Variants in DDI2 observed in about 807,000 individuals in gnomAD.
The protein encoded by DDI2 is protein DDI1 homolog 2.
DDI2 carries 5 observed loss-of-function variants against 48.1 expected under a neutral mutation model. That is an observed-to-expected ratio of 0.10 (90% CI 0.05 to 0.22). The LOEUF (loss-of-function observed/expected upper bound fraction) is 0.22, where lower values mean the gene tolerates loss of function less well. Ranked by LOEUF, DDI2 falls within the 10% of genes least tolerant of loss-of-function variation. DDI2 has a pLI of 1.00. For synonymous variants in DDI2, 205 were observed against 183.6 expected (o/e 1.12, Z -0.94); for missense variants, 285 against 506.2 (o/e 0.56, Z 4.19).
chr1:15,639,759 C>T (rs543129158), intron 5 of DDI2, among the ~76,000 whole-genome samples: 2 of 152,184 alleles, frequency 1.3e-5, no homozygotes, highest in Non-Finnish European at 2.9e-5. Flanking sequence ...GTAATTCCAG[C>T]ATTTTGGGAG....
In DDI2 at chr1:15,645,633, C is replaced by T. The variant is rs115813570; in HGVS notation, c.889+1983C>T. On this transcript the variant is annotated intron_variant, in intron 6 of 9. Transcript: ENST00000480945. ...CCTATAATCCCAGTGCTTTAGGAGG[C>T]TCATGTGGGATGATGGCTTGAGGCC... is the stretch of plus-strand genomic sequence containing the variant. Among the ~76,000 whole-genome samples the T allele has an allele frequency of 4.3e-3, 657 of 152,114 alleles. 7 individuals carry two copies. Among genetic ancestry groups the T allele is most frequent in the African/African-American group, 0.014 (582 of 41,490 alleles).
chr1:15,632,750 A>G (rs1386004702), intron 3 of DDI2, among the ~76,000 whole-genome samples: 2 of 151,960 alleles, frequency 1.3e-5, no homozygotes, highest in Non-Finnish European at 2.9e-5. Flanking sequence ...ATAATGCTGT[A>G]TTTTGTTTCT....
chr1:15,644,744 C>T (rs1397965828), intron 6 of DDI2, among the ~76,000 whole-genome samples: 4 of 151,156 alleles, frequency 2.6e-5, no homozygotes, highest in Admixed American at 6.6e-5. Context: ...CAGGCGCCCG[C>T]CACCGCACCC....
At chr1:15,654,334 C>T (rs1296709045) in intron 8 of DDI2, among the ~76,000 whole-genome samples, 1 of 152,046 alleles carries the variant, frequency 6.6e-6, no homozygotes, top group Non-Finnish European at 1.5e-5. Context: ...AACTCCATCA[C>T]CTTTTGGCTT....
chr1:15,641,149 T>C (rs2103471703), intron 5 of DDI2, among the ~76,000 whole-genome samples: 1 of 152,272 alleles, frequency 6.6e-6, no homozygotes, highest in African/African-American at 2.4e-5. Flanking sequence ...TGAGGACTTT[T>C]AAGCAGATGA....
rs375740235 is a variant in DDI2, at chr1:15,643,670, G to T, written c.889+20G>T. Reference sequence around the variant, plus strand: ...ATCTAGGTGAGCAAAAGGCACTGGGGCTTGCTGTCTTTCTGTAGGCTATTT... The same window carrying T: ...ATCTAGGTGAGCAAAAGGCACTGGGTCTTGCTGTCTTTCTGTAGGCTATTT... On this transcript the variant is annotated intron_variant, in intron 6 of 9. Transcript: ENST00000480945. The T allele has an allele frequency of 6.2e-7, 1 of 1,612,338 alleles. No individual in the cohort carries two copies. Among genetic ancestry groups the T allele is most frequent in the African/African-American group, 1.3e-5 (1 of 74,858 alleles).
intron 6 of DDI2, among the ~76,000 whole-genome samples, chr1:15,648,612 T>C (rs974284668): frequency 2.0e-5 from 3 of 152,138 alleles, no homozygotes; most frequent in African/African-American, 7.2e-5. Flanking sequence ...CCCATGATTC[T>C]ATGAACATTG....
At chr1:15,620,186 A>G (rs1639636239) in intron 1 of DDI2, among the ~76,000 whole-genome samples, 1 of 152,148 alleles carries the variant, frequency 6.6e-6, no homozygotes, top group Non-Finnish European at 1.5e-5. Flanking sequence ...TTAAGCCTGT[A>G]TTAGATAGCC....
At chr1:15,658,658 G>A (rs1640309425) in intron 9 of DDI2, among the ~76,000 whole-genome samples, 1 of 151,856 alleles carries the variant, frequency 6.6e-6, no homozygotes. Context: ...CTACTCTGAG[G>A]CAGGAGAATC....
chr1:15,633,330 T>C lies in DDI2; in HGVS notation c.506-109T>C, dbSNP rs1035628349. On this transcript the variant is annotated intron_variant, in intron 3 of 9. Coordinates refer to ENST00000480945, the MANE Select transcript of DDI2 (RefSeq NM_032341.5). ...CATTTTAAATAAGCTTTAGGCATCCTCTCTGCATCTCTTACAGATGTAGTT... is the reference window on the plus strand; with the variant it reads ...CATTTTAAATAAGCTTTAGGCATCCCCTCTGCATCTCTTACAGATGTAGTT... 13 of 1,294,654 alleles carry C rather than the reference T, an allele frequency of 1.0e-5. No homozygotes were observed. In the African/African-American group the frequency reaches 1.6e-4, roughly 16 times the overall value. 80.2% of individuals were successfully genotyped at this position (1,294,654 alleles called of 1,614,324 possible). A position where few individuals can be genotyped will look rare whatever the true frequency, so the allele number is the denominator to read the frequency against.
At chr1:15,638,477 C>G (rs1639958240) in intron 5 of DDI2, 43 bp downstream of exon 5, 3 of 1,583,742 alleles carry the variant, frequency 1.9e-6, no homozygotes, top group Non-Finnish European at 2.6e-6. Flanking sequence ...CCTCCAACAT[C>G]TTTACCTGAC....
intron 1 of DDI2, among the ~76,000 whole-genome samples, chr1:15,621,348 A>G (rs1042429748): frequency 6.6e-6 from 1 of 152,132 alleles, no homozygotes; most frequent in African/African-American, 2.4e-5. Flanking sequence ...GATCTTGGAA[A>G]TGCACACAGC....
chr1:15,668,367 T>A lies in DDI2; in HGVS notation c.*8577T>A, dbSNP rs1274694694. 2.0e-5 allele frequency: 3 copies of A among 152,256 alleles called. No individual in the cohort carries two copies. In the East Asian group the frequency reaches 5.8e-4, roughly 29 times the overall value. The allele number at this position is 152,256 out of a possible 1,614,324, so 9.4% of individuals were successfully genotyped here. On this transcript the variant is annotated 3_prime_UTR_variant, in exon 10 of 10. Coordinates refer to ENST00000480945, the MANE Select transcript of DDI2 (RefSeq NM_032341.5). ...TCCAAGACCTTCCCATTTGAATGAC[T>A]AGATTTCTATTCTATCCCCGATCAT...
At chr1:15,619,474 T>TC (rs1639621179) in intron 1 of DDI2, among the ~76,000 whole-genome samples, 1 of 146,048 alleles carries the variant, frequency 6.8e-6, no homozygotes, top group East Asian at 2.0e-4. Context: ...TCTTTTCTTT[T>TC]TTTTTTTTCG....
intron 8 of DDI2, among the ~76,000 whole-genome samples, chr1:15,655,690 T>C (rs1640260407): frequency 6.6e-6 from 1 of 150,588 alleles, no homozygotes; most frequent in Non-Finnish European, 1.5e-5. Flanking sequence ...GAAGCAGAGG[T>C]TGCAGTGAGC....
chr1:15,627,256 T>G (rs1160375439), intron 2 of DDI2, among the ~76,000 whole-genome samples: 2 of 152,158 alleles, frequency 1.3e-5, no homozygotes, highest in African/African-American at 4.8e-5. Flanking sequence ...AACTTGGTTG[T>G]GGGGGGATTT....
chr1:15,635,649 CCCT>C (rs1639917029), intron 4 of DDI2, among the ~76,000 whole-genome samples: 2 of 152,192 alleles, frequency 1.3e-5, no homozygotes, highest in Admixed American at 1.3e-4. Flanking sequence ...AGGTGATCCA[CCCT>C]CCTCATCCTC....
At chr1:15,627,439 AC>A (rs1407022968) in intron 2 of DDI2, among the ~76,000 whole-genome samples, 3 of 152,184 alleles carry the variant, frequency 2.0e-5, no homozygotes, top group Non-Finnish European at 2.9e-5. Flanking sequence ...GTTCTTTCCT[AC>A]CAGCTGTGTT....
At chr1:15,653,279 T>C (rs184670378) in intron 8 of DDI2, among the ~76,000 whole-genome samples, 1 of 151,674 alleles carries the variant, frequency 6.6e-6, no homozygotes, top group East Asian at 1.9e-4. Context: ...TTTATTTTAT[T>C]TTATTTTATT....
Sources: gnomAD v4.1 joint callset for allele counts (sites outside exome capture counted in the v4.1 genomes callset) on GRCh38, gnomAD v4.1.1 for gene constraint, MANE v1.5 for transcripts, NCBI Gene and HGNC (gene_info 2026-07-23, HGNC 2026-07-21) for gene names.